The following NTRK1 variants were observed in gnomAD, a reference collection of about 807,000 sequenced individuals.
NTRK1 encodes the protein high affinity nerve growth factor receptor.
A neutral mutation model predicts 86.8 loss-of-function variants in NTRK1; 62 were observed. That is an observed-to-expected ratio of 0.71 (90% confidence interval 0.58 to 0.88). NTRK1 has a LOEUF of 0.88. NTRK1 is among the 40% of genes least tolerant of loss of function. NTRK1 has a pLI of 0.00. For synonymous variants in NTRK1, 469 were observed against 456.6 expected (o/e 1.03, Z -0.35); for missense variants, 967 against 1,078.4 (o/e 0.90, Z 1.45).
At position 156,876,063 on chromosome 1, in the gene NTRK1, C is replaced by A. The variant is rs2102917024; in HGVS notation, c.1502-17C>A. The A allele has an allele frequency of 6.2e-7, 1 of 1,614,150 alleles. No homozygotes were observed. Among genetic ancestry groups the A allele is most frequent in the Non-Finnish European group, 8.5e-7 (1 of 1,180,010 alleles). On this transcript the variant is annotated splice_polypyrimidine_tract_variant and intron_variant, in intron 12 of 16. Transcript: ENST00000524377. Reference sequence around the variant, plus strand: ...CCCAAGACTGGGGCTACCGTCTGACCCTGCAAGCCCCCTCAGGTGTTCACC... The same window carrying A: ...CCCAAGACTGGGGCTACCGTCTGACACTGCAAGCCCCCTCAGGTGTTCACC...
At position 156,866,985 on chromosome 1, in the gene NTRK1, G is replaced by C; in HGVS notation, c.428+7G>C. 6.2e-7 allele frequency: 1 copy of C among 1,614,132 alleles called. No homozygotes were observed. The highest frequency in any genetic ancestry group is 8.5e-7 in the Non-Finnish European group (1 of 1,179,946). ...GCCTCTCCTTACAGGAACTGTGAGT[G>C]GGGGCGCTTCCAGGGGCAAGAGCAC... On this transcript the variant is annotated splice_region_variant and intron_variant, in intron 4 of 16. Coordinates refer to ENST00000524377, the MANE Select transcript of NTRK1 (RefSeq NM_002529.4).
intron 1 of NTRK1, among the ~76,000 whole-genome samples, chr1:156,823,631 A>C (rs1313441310): frequency 1.3e-5 from 2 of 152,232 alleles, no homozygotes; most frequent in African/African-American, 2.4e-5. Flanking sequence ...ACCTGTTACC[A>C]TATGGCTGGA....
At chr1:156,847,907 T>C (rs1571664594) in intron 2 of NTRK1, among the ~76,000 whole-genome samples, 1 of 152,082 alleles carries the variant, frequency 6.6e-6, no homozygotes, top group Non-Finnish European at 1.5e-5. Context: ...GTGCAGATTG[T>C]GAAGTGCACA....
chr1:156,835,248 C>G (rs933447336), intron 1 of NTRK1, among the ~76,000 whole-genome samples: 1 of 152,192 alleles, frequency 6.6e-6, no homozygotes, highest in Non-Finnish European at 1.5e-5. Flanking sequence ...CAAAAACATG[C>G]TGCCAATCCT....
At chr1:156,837,357 T>C (rs1311053740) in intron 1 of NTRK1, 1 of 152,560 alleles carries the variant, frequency 6.6e-6, no homozygotes, top group African/African-American at 2.4e-5. Flanking sequence ...GATTCCTTAT[T>C]TGGCACACAT....
rs759527621 is a variant in NTRK1, at chr1:156,873,750, A to G, written c.968A>G (p.Asn323Ser). The G allele has an allele frequency of 4.3e-6, 7 of 1,613,214 alleles. No homozygotes were observed. The East Asian group carries it at 1.1e-4, about 26-fold the overall frequency. ...TGGCTCTTCAATGGCTCCGTGCTCA[A>G]TGAGACCAGCTTCATCTTCACTGAG... ...LRWLFNGSVLNETSFIFTEFL... is the reference protein window; with the variant it reads ...LRWLFNGSVLSETSFIFTEFL... Residue 323 changes from asparagine to serine, a missense_variant, in exon 8 of 17, where the codon AAT becomes AGT. By Grantham distance (46) the Asn-to-Ser change is conservative. Coordinates refer to ENST00000524377, the MANE Select transcript of NTRK1 (RefSeq NM_002529.4).
chr1:156,821,825 T>A (rs1654199547), intron 1 of NTRK1, among the ~76,000 whole-genome samples: 1 of 152,220 alleles, frequency 6.6e-6, no homozygotes, highest in African/African-American at 2.4e-5. Flanking sequence ...AACTCCCTGG[T>A]GCTTCCCACT....
intron 1 of NTRK1, chr1:156,841,990 G>A (rs1422025219): frequency 1.9e-6 from 3 of 1,555,708 alleles, no homozygotes; most frequent in African/African-American, 2.7e-5. Flanking sequence ...GATACAGGGT[G>A]GGGGTGACTT....
At position 156,876,500 on chromosome 1, in the gene NTRK1, T is replaced by TCTGCACCGAGGGCCGCCCC; in HGVS notation, c.1738_1756dup (p.Leu586HisfsTer11). On this transcript the variant is annotated frameshift_variant, in exon 14 of 17. Transcript: ENST00000524377. LOFTEE classifies it high-confidence loss of function. ...CAGCACATCGTGCGCTTCTTCGGCG[T>TCTGCACCGAGGGCCGCCCC]CTGCACCGAGGGCCGCCCCCTGCTC... 6.2e-7 allele frequency: 1 copy of TCTGCACCGAGGGCCGCCCC among 1,613,732 alleles called. No homozygotes were observed. Among genetic ancestry groups the TCTGCACCGAGGGCCGCCCC allele is most frequent in the Non-Finnish European group, 8.5e-7 (1 of 1,180,012 alleles).
At chr1:156,871,541 A>C in intron 6 of NTRK1, 82 bp from the exon 7 acceptor site, 2 of 1,499,182 alleles carry the variant, frequency 1.3e-6, no homozygotes, top group Middle Eastern at 1.8e-4. Context: ...ATCTGGAGCC[A>C]GAGGGGCTCT....
chr1:156,820,079 T>C (rs1346345781), intron 1 of NTRK1, among the ~76,000 whole-genome samples: 1 of 152,226 alleles, frequency 6.6e-6, no homozygotes, highest in Non-Finnish European at 1.5e-5. Context: ...TTTTTGGATG[T>C]TATCTTCTAG....
chr1:156,835,352 C>A (rs1654572588), intron 1 of NTRK1, among the ~76,000 whole-genome samples: 2 of 152,110 alleles, frequency 1.3e-5, no homozygotes, highest in African/African-American at 4.8e-5. Flanking sequence ...CGATACACAC[C>A]CAGGTAGCGA....
At position 156,873,633 on chromosome 1, in the gene NTRK1, TC is replaced by T; in HGVS notation, c.854del (p.Pro285ArgfsTer185). ...TGCTGTTGCTCTTTCTGGCCCACAG[TC>T]CCGGCCAGTGTGCAGCTGCACACGG... ...AEVSVQVNVS[F>X]PASVQLHTAV... is the part of the protein sequence containing the mutation. On this transcript the variant is annotated frameshift_variant and splice_region_variant, in exon 8 of 17. Coordinates refer to ENST00000524377, the MANE Select transcript of NTRK1 (RefSeq NM_002529.4). LOFTEE classifies it high-confidence loss of function. The T allele has an allele frequency of 6.2e-7, 1 of 1,610,056 alleles. No individual in the cohort carries two copies. Among genetic ancestry groups the T allele is most frequent in the South Asian group, 1.1e-5 (1 of 90,764 alleles).
rs775191394 is a variant in NTRK1 at position 156,879,351 on chromosome 1, G to A, written c.2035G>A (p.Asp679Asn). 8.1e-6 allele frequency: 13 copies of A among 1,604,234 alleles called. No homozygotes were observed. Among genetic ancestry groups the A allele is most frequent in the East Asian group, 2.2e-5 (1 of 44,828 alleles). Residue 679 changes from aspartate (D) to asparagine (N), a missense_variant, in exon 15 of 17, where the codon GAC (aspartate) becomes AAC (asparagine). Physicochemically the swap from Asp to Asn is conservative, Grantham distance 23 (BLOSUM62 1). Around this residue, in one of 2 missense-constraint regions of NTRK1, gnomAD observed 637 missense variants for 776.5 expected, o/e 0.82. Coordinates refer to ENST00000524377, the MANE Select transcript of NTRK1 (RefSeq NM_002529.4). ...FGMSRDIYST[D>N]YYRVGGRTML... Reference sequence around the variant, plus strand: ...CATGAGCAGGGATATCTACAGCACCGACTATTACCGTGTAAGGGTCCTTTG... The same window carrying A: ...CATGAGCAGGGATATCTACAGCACCAACTATTACCGTGTAAGGGTCCTTTG...
chr1:156,876,035 C>G, intron 12 of NTRK1, 45 bp from the exon 13 acceptor site: 1 of 1,614,022 alleles, frequency 6.2e-7, no homozygotes. Context: ...CAACCCCAGC[C>G]CTCCCAAGAC....
intron 8 of NTRK1, 128 bp downstream of exon 8, chr1:156,874,087 T>C: frequency 1.9e-6 from 2 of 1,031,736 alleles, no homozygotes; most frequent in Non-Finnish European, 1.4e-6. Context: ...TCTGGAGTCC[T>C]GGTGTCCCGC....
At chr1:156,832,921 A>G (rs1654501293) in intron 1 of NTRK1, among the ~76,000 whole-genome samples, 1 of 152,240 alleles carries the variant, frequency 6.6e-6, no homozygotes, top group East Asian at 1.9e-4. Context: ...GTTATTGCCC[A>G]TCTTTGTGAC....
At chr1:156,874,523 G>A (rs2102909664) in intron 9 of NTRK1, 48 bp from the exon 10 acceptor site, 1 of 1,611,562 alleles carries the variant, frequency 6.2e-7, no homozygotes, top group Non-Finnish European at 8.5e-7. Context: ...GTTACTGGAG[G>A]CTACAGTGTG....
At chr1:156,836,705 A>G (rs1038997073) in intron 1 of NTRK1, among the ~76,000 whole-genome samples, 2 of 151,826 alleles carry the variant, frequency 1.3e-5, no homozygotes, top group Non-Finnish European at 2.9e-5. Context: ...GGGAGGCCAA[A>G]CCATTCAGAT....
Sources: allele counts gnomAD v4.1 joint callset (sites outside exome capture counted in the v4.1 genomes callset), GRCh38; gene constraint gnomAD v4.1.1; regional missense constraint gnomAD v4.1.1; transcripts MANE v1.5; gene names NCBI Gene and HGNC (gene_info 2026-07-23, HGNC 2026-07-21).